CACNA1C: variants seen among roughly 807,000 people sequenced by gnomAD.
CACNA1C encodes the protein calcium voltage-gated channel subunit alpha1 C.
Under a neutral mutation model 229.0 loss-of-function variants are expected in CACNA1C, and 30 were observed. The observed-to-expected ratio is 0.13, with a 90% confidence interval of 0.10 to 0.18. The LOEUF is 0.18. Among genes scored for constraint, CACNA1C ranks in the 10% least tolerant of loss-of-function variants. CACNA1C has a pLI of 1.00. For synonymous variants in CACNA1C, 1,114 were observed against 1,132.5 expected (o/e 0.98, Z 0.33); for missense variants, 1,658 against 2,845.0 (o/e 0.58, Z 9.49).
chr12:2,428,575 A>C (rs2154557843), intron 3 of CACNA1C, among the ~76,000 whole-genome samples: 1 of 152,264 alleles, frequency 6.6e-6, no homozygotes, highest in Admixed American at 6.5e-5. Flanking sequence ...AGCTTTGCTC[A>C]CTCTGAAAGG....
intron 3 of CACNA1C, among the ~76,000 whole-genome samples, chr12:2,161,828 C>T (rs1310207498): frequency 6.6e-6 from 1 of 152,136 alleles, no homozygotes; most frequent in Non-Finnish European, 1.5e-5. Flanking sequence ...CTTGCTGGTG[C>T]CTCAGGGGGC....
At chr12:2,213,439 G>A (rs1428132789) in intron 3 of CACNA1C, among the ~76,000 whole-genome samples, 1 of 152,164 alleles carries the variant, frequency 6.6e-6, no homozygotes, top group Admixed American at 6.5e-5. Context: ...TTCCAGGGCT[G>A]GGGTGAGGAG....
chr12:2,081,432 A>C (rs1313953333), intron 1 of CACNA1C, among the ~76,000 whole-genome samples: 1 of 152,140 alleles, frequency 6.6e-6, no homozygotes, highest in East Asian at 1.9e-4. Flanking sequence ...TTAGCCGAGC[A>C]TATTGGCGGG....
rs146405960 is a variant in CACNA1C at position 2,159,850 on chromosome 12, C to T, written c.477+39420C>T. On this transcript the variant is annotated intron_variant, in intron 3 of 46. Coordinates refer to ENST00000399655, the MANE Select transcript of CACNA1C (RefSeq NM_000719.7). ...AACTCCTGACCTCAGGTGATCTGCC[C>T]GCCTCGGCCTCCCAAAGTGCTGGGA... is the stretch of plus-strand genomic sequence containing the variant. Among the ~76,000 whole-genome samples the T allele has an allele frequency of 9.2e-5, 14 of 152,284 alleles. No homozygotes were observed. The East Asian group carries it at 9.6e-4, about 10-fold the overall frequency.
chr12:2,009,676 T>G (rs2154481993), intron 1 of CACNA1C, among the ~76,000 whole-genome samples: 1 of 152,310 alleles, frequency 6.6e-6, no homozygotes. Flanking sequence ...TTCCAAAGGA[T>G]GATAGAAGTG....
chr12:2,004,618 C>T, intron 1 of CACNA1C: 1 of 789,448 alleles, frequency 1.3e-6, no homozygotes. Flanking sequence ...GATGGCCGCG[C>T]CCCGCCCACT....
intron 3 of CACNA1C, among the ~76,000 whole-genome samples, chr12:2,277,603 C>T (rs943652090): frequency 6.6e-6 from 1 of 152,188 alleles, no homozygotes; most frequent in Admixed American, 6.5e-5. Context: ...GCAAAGATCT[C>T]CAGGAGGAGG....
At chr12:2,582,700 G>C (rs1360310927) in intron 14 of CACNA1C, 122 bp from the exon 15 acceptor site, 2 of 1,021,714 alleles carry the variant, frequency 2.0e-6, no homozygotes, top group Admixed American at 2.2e-5. Flanking sequence ...GCCAGGAGGA[G>C]GGAAAGAAGT....
At chr12:2,119,496 G>A (rs143194966) in intron 2 of CACNA1C, among the ~76,000 whole-genome samples, 18 of 152,308 alleles carry the variant, frequency 1.2e-4, no homozygotes, top group East Asian at 1.9e-4. Context: ...TCTTGAGAGC[G>A]TGTCCTGCCC....
At chr12:2,291,612 A>G (rs554108093) in intron 3 of CACNA1C, among the ~76,000 whole-genome samples, 12 of 152,340 alleles carry the variant, frequency 7.9e-5, no homozygotes, top group African/African-American at 2.2e-4. Flanking sequence ...AGTACCCTGC[A>G]GTGGAGGGCG....
At chr12:2,680,714 A>C in intron 42 of CACNA1C, 1 of 675,556 alleles carries the variant, frequency 1.5e-6, no homozygotes, top group Non-Finnish European at 2.5e-6. Context: ...GCCCATTTCA[A>C]GAGGGCTGCA....
At chr12:2,441,184 A>G (rs770758664) in intron 3 of CACNA1C, among the ~76,000 whole-genome samples, 34 of 152,200 alleles carry the variant, frequency 2.2e-4, no homozygotes, top group Non-Finnish European at 4.3e-4. Flanking sequence ...CCATAAGTAC[A>G]TTTACATAAA....
chr12:1,978,304 G>A (rs2035051351), intron 1 of CACNA1C, among the ~76,000 whole-genome samples: 1 of 152,152 alleles, frequency 6.6e-6, no homozygotes, highest in South Asian at 2.1e-4. Context: ...TTAAAGTACT[G>A]AAGATGTGTT....
At chr12:2,236,409 C>CT (rs2067393869) in intron 3 of CACNA1C, among the ~76,000 whole-genome samples, 1 of 152,188 alleles carries the variant, frequency 6.6e-6, no homozygotes, top group African/African-American at 2.4e-5. Flanking sequence ...ATAGGGAGCT[C>CT]TTTCAGCAAT....
intron 13 of CACNA1C, among the ~76,000 whole-genome samples, chr12:2,568,977 C>T (rs2052839785): frequency 1.3e-5 from 2 of 152,308 alleles, no homozygotes; most frequent in African/African-American, 2.4e-5. Flanking sequence ...TGTTCTTGAG[C>T]ACCTGAGCTG....
At chr12:2,122,399 T>G (rs74060159) in intron 3 of CACNA1C, among the ~76,000 whole-genome samples, 4 of 152,350 alleles carry the variant, frequency 2.6e-5, no homozygotes, top group African/African-American at 9.6e-5. Flanking sequence ...GGGCAGTGAA[T>G]GCTGCCAGCT....
intron 3 of CACNA1C, among the ~76,000 whole-genome samples, chr12:2,157,626 T>C (rs1338349543): frequency 1.3e-5 from 2 of 152,244 alleles, no homozygotes; most frequent in African/African-American, 4.8e-5. Context: ...GCGTTCCAGC[T>C]GTGGGGCCTT....
chr12:2,688,033 C>G (rs1296727999), intron 45 of CACNA1C, among the ~76,000 whole-genome samples: 2 of 152,220 alleles, frequency 1.3e-5, no homozygotes, highest in Non-Finnish European at 2.9e-5. Flanking sequence ...TCACACCAGC[C>G]CCACAGGGCA....
intron 3 of CACNA1C, among the ~76,000 whole-genome samples, chr12:2,316,763 A>G (rs999408169): frequency 6.6e-6 from 1 of 152,208 alleles, no homozygotes; most frequent in Non-Finnish European, 1.5e-5. Flanking sequence ...TTGTGCTGGC[A>G]GCCTGCGTGA....
Sources: gnomAD v4.1 joint callset for allele counts (sites outside exome capture counted in the v4.1 genomes callset) on GRCh38, gnomAD v4.1.1 for gene constraint, MANE v1.5 for transcripts, NCBI Gene and HGNC (gene_info 2026-07-23, HGNC 2026-07-21) for gene names.